FASN: variants seen among roughly 807,000 people sequenced by gnomAD.
The protein encoded by FASN is fatty acid synthase.
FASN carries 50 observed loss-of-function variants against 250.0 expected under a neutral mutation model. The ratio of observed to expected loss-of-function variants is 0.20; its 90% confidence interval spans 0.16 to 0.25. The LOEUF is 0.25. FASN is among the 10% of genes least tolerant of loss of function. FASN has a pLI of 1.00. For missense variants in FASN, 3,031 were observed against 3,498.5 expected (o/e 0.87, Z 3.37); for synonymous variants, 1,909 against 1,584.0 (o/e 1.21, Z -4.87).
rs901656118 is a variant in FASN, at chr17:82,086,269, C to T, written c.3717G>A (p.Lys1239=). 2.9e-5 allele frequency: 45 copies of T among 1,573,828 alleles called. No homozygotes were observed. Among genetic ancestry groups the T allele is most frequent in the Non-Finnish European group, 3.6e-5 (42 of 1,166,488 alleles). The stretch of plus-strand genomic sequence containing the variant: ...AGGCACCCACCTCCACCACCTTCAT[C>T]TTCAGGCTGGGCATGTTCTCCACGG... ...DTAVENMPSL[K]MKVVEVLAGH... is the part of the protein sequence containing the mutation. Residue 1239 remains lysine (K), a synonymous_variant, in exon 22 of 43, where the codon AAG becomes AAA. Transcript: ENST00000306749.
chr17:82,080,853 A>G lies in FASN; in HGVS notation c.6665T>C (p.Leu2222Pro). The stretch of plus-strand genomic sequence containing the variant: ...GGTGGGGCCCTCCGGGTTCACCAGC[A>G]GGGAGCGCAGGTTCAGCTGAGTCTG... ...QQQTQLNLRS[L>P]LVNPEGPTLM... Residue 2222 changes from leucine (L) to proline (P), a missense_variant, in exon 39 of 43, where the codon CTG (leucine) becomes CCG (proline). Transcript: ENST00000306749. 6.2e-7 allele frequency: 1 copy of G among 1,611,520 alleles called. No individual in the cohort carries two copies. The highest frequency in any genetic ancestry group is 8.5e-7 in the Non-Finnish European group (1 of 1,179,602).
At chr17:82,089,564 G>C (rs45586937) in intron 12 of FASN, 68 bp downstream of exon 12, 29 of 1,544,888 alleles carry the variant, frequency 1.9e-5, no homozygotes, top group Non-Finnish European at 2.5e-5. Flanking sequence ...CCGTGGCCGC[G>C]TGTCCCTGCC....
rs1222384723 is a variant in FASN, at chr17:82,089,635, A to C, written c.1962T>G (p.Pro654=). 1 of 1,599,312 alleles carries C rather than the reference A, an allele frequency of 6.3e-7. No individual in the cohort carries two copies. The highest frequency in any genetic ancestry group is 1.7e-5 in the Admixed American group (1 of 57,872). The change falls in exon 12 of 43, where the codon CCT becomes CCG. Residue 654 remains proline, a synonymous_variant. Transcript: ENST00000306749. ...CCGCCCAGGCCGCAGCACCCACCTG[A>C]GGTCCCGAGATGGTGACTGTGTCCT... ...NSKDTVTISG[P]QAPVFEFVEQ... is the part of the protein sequence containing the mutation.
At chr17:82,090,296 A>G in intron 11 of FASN, 79 bp downstream of exon 11, 1 of 1,416,166 alleles carries the variant, frequency 7.1e-7, no homozygotes, top group Non-Finnish European at 9.6e-7. Context: ...GGGCCAGGCC[A>G]GGGCTGCAGG....
chr17:82,084,481 A>G (rs933308307), intron 27 of FASN, 32 bp downstream of exon 27: 10 of 1,593,674 alleles, frequency 6.3e-6, no homozygotes, highest in East Asian at 2.3e-5. Context: ...TCCCCGGCCC[A>G]GTCCACTCCC....
rs777367345 is a variant in FASN, at chr17:82,087,789, G to A, written c.2939C>T (p.Thr980Met). The A allele has an allele frequency of 2.4e-5, 38 of 1,612,502 alleles. No homozygotes were observed. In the Admixed American group the frequency reaches 5.0e-4, roughly 21 times the overall value. The change falls in exon 19 of 43, where the codon ACG (threonine) becomes ATG (methionine). Residue 980 changes from threonine to methionine, a missense_variant. Coordinates refer to ENST00000306749, the MANE Select transcript of FASN (RefSeq NM_004104.5). ...AGCCTGGGCCAGGAAGAGGGGCTCCGTGGGGTTGGGGGTGGGGCTTTCCGG... is the reference window on the plus strand; with the variant it reads ...AGCCTGGGCCAGGAAGAGGGGCTCCATGGGGTTGGGGGTGGGGCTTTCCGG... ...DHPESPTPNP[T>M]EPLFLAQAEV...
chr17:82,096,356 C>T lies in FASN; in HGVS notation c.90G>A (p.Val30=), dbSNP rs1371455158. The T allele has an allele frequency of 6.2e-7, 1 of 1,612,832 alleles. No individual in the cohort carries two copies. The highest frequency in any genetic ancestry group is 1.3e-5 in the African/African-American group (1 of 74,954). The stretch of plus-strand genomic sequence containing the variant: ...GACGGTCATCGTCCGTGACCATGTC[C>T]ACACCGCCGATGAGGTTGTCCCAGA... ...QEFWDNLIGG[V]DMVTDDDRRW... The change falls in exon 2 of 43, where the codon GTG becomes GTA. Residue 30 remains valine (V), a synonymous_variant. Transcript: ENST00000306749.
rs756659770 is a variant in FASN, at chr17:82,093,209, G to A, written c.655+10C>T. ...TCCCGCCTGCCCTGGCCGCGCAGCC[G>A]CACACTCACCCGCTGTGTCGAAGGC... On this transcript the variant is annotated intron_variant, in intron 5 of 42. Coordinates refer to ENST00000306749, the MANE Select transcript of FASN (RefSeq NM_004104.5). The A allele has an allele frequency of 3.6e-5, 56 of 1,569,468 alleles. No individual in the cohort carries two copies. The highest frequency in any genetic ancestry group is 5.4e-5 in the African/African-American group (4 of 74,046).
rs781178452 is a variant in FASN, at chr17:82,088,958, G to C, written c.2304+11C>G. The C allele has an allele frequency of 7.5e-6, 12 of 1,608,640 alleles. No individual in the cohort carries two copies. The Middle Eastern group carries it at 5.0e-4, about 66-fold the overall frequency. ...GGCTCCCGGCGCCTGCTGCCCCCAG[G>C]CTGGGCCTACCTGCAGCAGGGCGTG... On this transcript the variant is annotated intron_variant, in intron 14 of 42. Coordinates refer to ENST00000306749, the MANE Select transcript of FASN (RefSeq NM_004104.5).
At position 82,088,769 on chromosome 17, in the gene FASN, G is replaced by A. The variant is rs773303345; in HGVS notation, c.2412C>T (p.His804=). The stretch of plus-strand genomic sequence containing the variant: ...GCTGGGAAGGGACCCACCCTGAGAG[G>A]TGCAGCCTGCCGATGCCGGCCAGGA... ...EFFLAGIGRL[H]LSGIDANPNA... The change falls in exon 15 of 43, where the codon CAC becomes CAT. Residue 804 remains histidine, a synonymous_variant. Coordinates refer to ENST00000306749, the MANE Select transcript of FASN (RefSeq NM_004104.5). 48 of 1,611,658 alleles carry A rather than the reference G, an allele frequency of 3.0e-5. No homozygotes were observed. The highest frequency in any genetic ancestry group is 5.5e-5 in the South Asian group (5 of 91,066).
chr17:82,081,490 C>A, intron 37 of FASN, 111 bp downstream of exon 37: 1 of 1,589,186 alleles, frequency 6.3e-7, no homozygotes. Context: ...CGCCCGCACC[C>A]TGGCTCTGCA....
At position 82,091,649 on chromosome 17, in the gene FASN, G is replaced by A; in HGVS notation, c.1065C>T (p.Pro355=). ...LLSLEHGLWA[P]NLHFHSPNPE... is the part of the protein sequence containing the mutation. The stretch of plus-strand genomic sequence containing the variant: ...GGTTGGGGCTATGGAAGTGCAGGTT[G>A]GGGGCCCAGAGCCCGTGCTCCAGGG... The change falls in exon 9 of 43, where the codon CCC becomes CCT. Residue 355 remains proline (P), a synonymous_variant. Coordinates refer to ENST00000306749, the MANE Select transcript of FASN (RefSeq NM_004104.5). 6.3e-7 allele frequency: 1 copy of A among 1,594,956 alleles called. No individual in the cohort carries two copies. Among genetic ancestry groups the A allele is most frequent in the Non-Finnish European group, 8.5e-7 (1 of 1,172,370 alleles).
intron 34 of FASN, 38 bp downstream of exon 34, chr17:82,082,489 T>C: frequency 6.2e-7 from 1 of 1,610,534 alleles, no homozygotes; most frequent in Non-Finnish European, 8.5e-7. Context: ...CCCTTGGTCT[T>C]GGGGCTTTTG....
intron 2 of FASN, 115 bp from the exon 3 acceptor site, chr17:82,095,587 G>T: frequency 7.7e-7 from 1 of 1,291,792 alleles, no homozygotes; most frequent in Non-Finnish European, 1.1e-6. Flanking sequence ...TCTCTGCTAT[G>T]CCTGGGAGGC....
chr17:82,096,512 C>T (rs1781632340), intron 1 of FASN, 60 bp from the exon 2 acceptor site: 3 of 1,600,340 alleles, frequency 1.9e-6, no homozygotes, highest in East Asian at 2.2e-5. Context: ...CCGTCAACAG[C>T]CTCGGCACCC....
chr17:82,085,977 G>T, intron 22 of FASN, 106 bp from the exon 23 acceptor site: 1 of 1,359,500 alleles, frequency 7.4e-7, no homozygotes, highest in Non-Finnish European at 9.8e-7. Flanking sequence ...AGGCTTCCCC[G>T]TCAACCTGAT....
chr17:82,079,653 C>G (rs2033953052), intron 41 of FASN, 45 bp from the exon 42 acceptor site: 2 of 1,594,436 alleles, frequency 1.3e-6, no homozygotes, highest in African/African-American at 2.7e-5. Flanking sequence ...ACCCACAGCA[C>G]CGGCCTGCCC....
rs17848927 is a variant in FASN at position 82,091,085 on chromosome 17, C to T, written c.1493-16G>A. 17,948 of 1,610,172 alleles carry T rather than the reference C, an allele frequency of 0.011. 668 individuals carry two copies. Among genetic ancestry groups the T allele is most frequent in the South Asian group, 0.089 (8,093 of 91,048 alleles). ...GTGCCCATCCCTGTCCCAGAGAGCA[C>T]GTCACGAGGCTCAGCCCCATCCCGT... On this transcript the variant is annotated splice_polypyrimidine_tract_variant and intron_variant, in intron 9 of 42. Coordinates refer to ENST00000306749, the MANE Select transcript of FASN (RefSeq NM_004104.5).
chr17:82,096,057 G>C (rs2034297420), intron 2 of FASN, among the ~76,000 whole-genome samples: 1 of 152,246 alleles, frequency 6.6e-6, no homozygotes, highest in Admixed American at 6.5e-5. Flanking sequence ...GCAGCCATTG[G>C]GGGAGCCTCC....
Sources: allele counts gnomAD v4.1 joint callset (sites outside exome capture counted in the v4.1 genomes callset), GRCh38; gene constraint gnomAD v4.1.1; transcripts MANE v1.5; gene names NCBI Gene and HGNC (gene_info 2026-07-23, HGNC 2026-07-21).